Variants in EPB41L3 observed in about 807,000 individuals in gnomAD.
EPB41L3 encodes the protein band 4.1-like protein 3.
A neutral mutation model predicts 127.1 loss-of-function variants in EPB41L3; 57 were observed. The ratio of observed to expected loss-of-function variants is 0.45; its 90% CI spans 0.36 to 0.56. The LOEUF (loss-of-function observed/expected upper bound fraction) is 0.56. Among genes scored for constraint, EPB41L3 ranks in the 20% least tolerant of loss-of-function variants. The pLI, the probability that EPB41L3 is intolerant of heterozygous loss-of-function variation, is 0.00. For synonymous variants in EPB41L3, 572 were observed against 549.5 expected (o/e 1.04, Z -0.57); for missense variants, 1,273 against 1,372.2 (o/e 0.93, Z 1.14).
At chr18:5,572,938 G>T (rs1399597020) in intron 3 of EPB41L3, among the ~76,000 whole-genome samples, 1 of 152,150 alleles carries the variant, frequency 6.6e-6, no homozygotes, top group Non-Finnish European at 1.5e-5. Context: ...ACTTCTTGCT[G>T]CTGAGAGCCC....
At chr18:5,567,426 A>G (rs573100045) in intron 3 of EPB41L3, 1 of 152,348 alleles carries the variant, frequency 6.6e-6, no homozygotes, top group South Asian at 2.1e-4. Flanking sequence ...CCTTTCAATC[A>G]AATTGAAGAA....
At chr18:5,470,024 C>G (rs2085823510) in intron 3 of EPB41L3, among the ~76,000 whole-genome samples, 1 of 152,116 alleles carries the variant, frequency 6.6e-6, no homozygotes, top group African/African-American at 2.4e-5. Flanking sequence ...GTGATCTACC[C>G]GCCTTGGCCT....
chr18:5,533,750 A>C (rs1719975), intron 1 of EPB41L3, among the ~76,000 whole-genome samples: 45,029 of 152,138 alleles, frequency 0.3, 8,741 homozygotes, highest in African/African-American at 0.55. Context: ...TCTGACCATT[A>C]TGCTACATAA....
chr18:5,468,534 C>T (rs2147412298), intron 3 of EPB41L3, among the ~76,000 whole-genome samples: 1 of 152,348 alleles, frequency 6.6e-6, no homozygotes, highest in African/African-American at 2.4e-5. Context: ...GGGACAGGAG[C>T]TGCCCATGGC....
intron 5 of EPB41L3, among the ~76,000 whole-genome samples, chr18:5,439,148 A>G (rs1275744287): frequency 2.6e-5 from 4 of 151,872 alleles, no homozygotes; most frequent in African/African-American, 7.3e-5. Context: ...TCCTGCTTGT[A>G]TTTCGAATGG....
At chr18:5,398,788 G>C (rs1458789275) in intron 16 of EPB41L3, 1 of 399,254 alleles carries the variant, frequency 2.5e-6, no homozygotes, top group Non-Finnish European at 4.4e-6. Context: ...TCACTCTCGG[G>C]CACTTGCTCT....
At chr18:5,481,762 C>A (rs553460842) in intron 2 of EPB41L3, among the ~76,000 whole-genome samples, 3 of 152,294 alleles carry the variant, frequency 2.0e-5, no homozygotes, top group African/African-American at 7.2e-5. Flanking sequence ...TCCTAGTCAG[C>A]CATCCCACAT....
At chr18:5,484,104 A>C (rs61411067) in intron 2 of EPB41L3, among the ~76,000 whole-genome samples, 31 of 135,672 alleles carry the variant, frequency 2.3e-4, no homozygotes, top group African/African-American at 7.3e-4. Context: ...AAAAAAAAAA[A>C]AAAAAAAAAA....
intron 1 of EPB41L3, among the ~76,000 whole-genome samples, chr18:5,502,590 G>C (rs545281831): frequency 7.6e-4 from 115 of 152,302 alleles, no homozygotes; most frequent in African/African-American, 2.7e-3. Context: ...TCTGTTCAGA[G>C]GGTTCCTCAA....
intron 3 of EPB41L3, among the ~76,000 whole-genome samples, chr18:5,603,104 T>C (rs1199954411): frequency 6.6e-6 from 1 of 152,234 alleles, no homozygotes; most frequent in Non-Finnish European, 1.5e-5. Flanking sequence ...TCAATTTTTT[T>C]TCCTTTTCAT....
At chr18:5,557,423 G>T (rs2094054374) in intron 3 of EPB41L3, among the ~76,000 whole-genome samples, 1 of 151,964 alleles carries the variant, frequency 6.6e-6, no homozygotes, top group African/African-American at 2.4e-5. Flanking sequence ...TCACTCTCTT[G>T]CCCAGACTGG....
rs1163702029 is a variant in EPB41L3, at chr18:5,395,064, T to C, written c.3153+3A>G. 1 of 1,613,726 alleles carries C rather than the reference T, an allele frequency of 6.2e-7. No individual in the cohort carries two copies. The highest frequency in any genetic ancestry group is 8.5e-7 in the Non-Finnish European group (1 of 1,179,722). ...AGGGTATTTACCGTCTCACACACAC[T>C]ACCTGGTCATGGTCAATGTCTGCAT... On this transcript the variant is annotated splice_donor_region_variant and intron_variant, in intron 21 of 22. Coordinates refer to ENST00000341928, the MANE Select transcript of EPB41L3 (RefSeq NM_012307.5).
intron 12 of EPB41L3, among the ~76,000 whole-genome samples, chr18:5,416,763 T>C (rs2076878068): frequency 1.3e-5 from 2 of 152,162 alleles, no homozygotes. Flanking sequence ...AGACTTTCAA[T>C]AGCCTTCTCC....
intron 3 of EPB41L3, among the ~76,000 whole-genome samples, chr18:5,474,570 C>T (rs56193925): frequency 0.69 from 105,206 of 151,908 alleles, 36,591 homozygotes; most frequent in East Asian, 0.8. Flanking sequence ...TTTAAGTTGA[C>T]GTGATGAAGG....
intron 3 of EPB41L3, among the ~76,000 whole-genome samples, chr18:5,466,086 A>G (rs536637554): frequency 6.6e-6 from 1 of 152,130 alleles, no homozygotes; most frequent in Non-Finnish European, 1.5e-5. Context: ...GAATTATGTA[A>G]TTGCCATTTC....
At chr18:5,479,013 T>C (rs926999759) in intron 2 of EPB41L3, among the ~76,000 whole-genome samples, 1 of 152,232 alleles carries the variant, frequency 6.6e-6, no homozygotes, top group Non-Finnish European at 1.5e-5. Context: ...AGTAATCCCC[T>C]ATGTCTGCTT....
chr18:5,523,668 C>T (rs1269773848), intron 1 of EPB41L3, among the ~76,000 whole-genome samples: 1 of 151,940 alleles, frequency 6.6e-6, no homozygotes, highest in East Asian at 1.9e-4. Flanking sequence ...ACCTGTAATC[C>T]CAGCTACCTG....
chr18:5,498,085 ACCT>A (rs921882745), intron 1 of EPB41L3, among the ~76,000 whole-genome samples: 3 of 152,222 alleles, frequency 2.0e-5, no homozygotes, highest in Non-Finnish European at 4.4e-5. Flanking sequence ...ACTTAGAACC[ACCT>A]CACTAAGCAC....
At chr18:5,443,749 C>A in intron 5 of EPB41L3, 89 bp downstream of exon 5, 2 of 981,358 alleles carry the variant, frequency 2.0e-6, no homozygotes, top group South Asian at 1.6e-5. Context: ...TGTATTCACA[C>A]TAGCCACTTA....
Sources: gnomAD v4.1 joint callset for allele counts (sites outside exome capture counted in the v4.1 genomes callset) on GRCh38, gnomAD v4.1.1 for gene constraint, MANE v1.5 for transcripts, NCBI Gene and HGNC (gene_info 2026-07-23, HGNC 2026-07-21) for gene names.